The following APPL2 variants were observed in gnomAD, a reference collection of about 807,000 sequenced individuals.
The protein encoded by APPL2 is DCC-interacting protein 13-beta.
A neutral mutation model predicts 92.7 loss-of-function variants in APPL2; 84 were observed. That is an observed-to-expected ratio of 0.91 (90% CI 0.76 to 1.09). APPL2 has a LOEUF of 1.09. Ranked by LOEUF, APPL2 falls within the 50% of genes least tolerant of loss-of-function variation. The pLI is 0.00. For synonymous variants in APPL2, 291 were observed against 291.0 expected (o/e 1.00, Z 0.00); for missense variants, 736 against 824.5 (o/e 0.89, Z 1.31).
intron 14 of APPL2, among the ~76,000 whole-genome samples, chr12:105,190,962 A>C (rs1887143470): frequency 6.6e-6 from 1 of 151,536 alleles, no homozygotes; most frequent in African/African-American, 2.4e-5. Flanking sequence ...CAGACTATAA[A>C]CTCCTTTGAA....
At chr12:105,186,622 T>TATGATATATATG (rs375988140) in intron 17 of APPL2, among the ~76,000 whole-genome samples, 1 of 125,678 alleles carries the variant, frequency 8.0e-6, no homozygotes, top group African/African-American at 3.3e-5. Context: ...ATATCATATA[T>TATGATATATATG]ATATCATATA....
intron 2 of APPL2, among the ~76,000 whole-genome samples, chr12:105,219,210 A>G (rs1889916967): frequency 6.6e-6 from 1 of 152,046 alleles, no homozygotes; most frequent in African/African-American, 2.4e-5. Context: ...TCCCAGTCCT[A>G]TTTGGCAGAA....
chr12:105,216,402 A>G (rs572568986), intron 4 of APPL2, among the ~76,000 whole-genome samples: 2 of 152,308 alleles, frequency 1.3e-5, no homozygotes, highest in South Asian at 4.2e-4. Flanking sequence ...TAGTGGGTTG[A>G]ACTGTGACCC....
chr12:105,182,082 T>G (rs1037840260), intron 17 of APPL2, among the ~76,000 whole-genome samples: 1 of 152,170 alleles, frequency 6.6e-6, no homozygotes, highest in Non-Finnish European at 1.5e-5. Context: ...TGGAGTGCAA[T>G]GGCATGATCT....
At chr12:105,190,790 C>A (rs1887129757) in intron 14 of APPL2, among the ~76,000 whole-genome samples, 1 of 152,218 alleles carries the variant, frequency 6.6e-6, no homozygotes, top group African/African-American at 2.4e-5. Context: ...CTGTGTGCCT[C>A]CTGAGCTTCG....
intron 17 of APPL2, among the ~76,000 whole-genome samples, chr12:105,185,092 C>A (rs547507770): frequency 6.6e-6 from 1 of 152,134 alleles, no homozygotes; most frequent in Non-Finnish European, 1.5e-5. Context: ...TCAGTAATGG[C>A]GGATGCCCCT....
intron 17 of APPL2, among the ~76,000 whole-genome samples, chr12:105,177,833 C>G (rs544182779): frequency 6.6e-6 from 1 of 152,338 alleles, no homozygotes; most frequent in African/African-American, 2.4e-5. Context: ...TGCTGTCACA[C>G]AGGCTGGAGT....
chr12:105,205,238 T>C (rs1479955802), intron 8 of APPL2, among the ~76,000 whole-genome samples: 2 of 152,346 alleles, frequency 1.3e-5, no homozygotes, highest in East Asian at 3.9e-4. Flanking sequence ...TGTCTGGCTA[T>C]TGAAGGAGCT....
chr12:105,197,912 A>C lies in APPL2; in HGVS notation c.905T>G (p.Phe302Cys). 2 of 1,614,148 alleles carry C rather than the reference A, an allele frequency of 1.2e-6. No individual in the cohort carries two copies. The highest frequency in any genetic ancestry group is 1.7e-6 in the Non-Finnish European group (2 of 1,180,016). Residue 302 changes from phenylalanine to cysteine, a missense_variant, in exon 11 of 21, where the codon TTC becomes TGC. Transcript: ENST00000258530. ...CATGAGATTCCCGCCTTGGGTGAAG[A>C]AATAAAGCCTCTCCCAGGTGGTGGT... ...LVTTTWERLY[F>C]FTQGGNLMCQ...
chr12:105,177,342 T>A, intron 17 of APPL2, 80 bp from the exon 18 acceptor site: 1 of 1,423,844 alleles, frequency 7.0e-7, no homozygotes. Context: ...AAGTCCAGAA[T>A]AAATACAAAT....
intron 17 of APPL2, among the ~76,000 whole-genome samples, chr12:105,182,124 C>G (rs551673580): frequency 1.3e-5 from 2 of 152,252 alleles, no homozygotes; most frequent in South Asian, 4.1e-4. Flanking sequence ...TCCCTGGGTT[C>G]AAGTGATTCT....
chr12:105,205,571 C>T (rs1888629914), intron 8 of APPL2, among the ~76,000 whole-genome samples: 1 of 152,184 alleles, frequency 6.6e-6, no homozygotes, highest in South Asian at 2.1e-4. Context: ...CCTTGCAGGA[C>T]ACCCTCTTAT....
chr12:105,205,770 G>A (rs1312742256), intron 8 of APPL2, among the ~76,000 whole-genome samples: 1 of 152,200 alleles, frequency 6.6e-6, no homozygotes, highest in Non-Finnish European at 1.5e-5. Context: ...AATATGGCAA[G>A]GCCATCTGCC....
chr12:105,227,495 A>G (rs192577790), intron 2 of APPL2, among the ~76,000 whole-genome samples: 25 of 152,048 alleles, frequency 1.6e-4, no homozygotes, highest in African/African-American at 5.5e-4. Context: ...ACGCACACAC[A>G]CTCATACGCA....
At position 105,195,287 on chromosome 12, in the gene APPL2, T is replaced by G. The variant is rs553335042; in HGVS notation, c.1215A>C (p.Gly405=). ...TGGGGCATGAGCTTTCTTGTTTTTTTCCAAAACTTGTAATGGGAGTCACTG... is the reference window on the plus strand; with the variant it reads ...TGGGGCATGAGCTTTCTTGTTTTTTGCCAAAACTTGTAATGGGAGTCACTG... ...LQAVTPITSF[G]KKQESSCPSQ... is the part of the protein sequence containing the mutation. Residue 405 remains glycine, a synonymous_variant, in exon 14 of 21, where the codon GGA becomes GGC. Transcript: ENST00000258530. 62 of 1,614,222 alleles carry G rather than the reference T, an allele frequency of 3.8e-5. No homozygotes were observed. In the East Asian group the frequency reaches 6.9e-4, roughly 18 times the overall value.
intron 2 of APPL2, among the ~76,000 whole-genome samples, chr12:105,226,507 A>G (rs1890519677): frequency 1.3e-5 from 2 of 152,252 alleles, no homozygotes; most frequent in Non-Finnish European, 2.9e-5. Context: ...TTCTGCCTCA[A>G]CAGAAAAAAA....
intron 1 of APPL2, among the ~76,000 whole-genome samples, chr12:105,230,971 C>G (rs1164542599): frequency 6.6e-6 from 1 of 152,226 alleles, no homozygotes; most frequent in Admixed American, 6.5e-5. Context: ...TTCAAAAATT[C>G]ATAATCACAG....
At chr12:105,207,863 T>TAA in intron 7 of APPL2, 108 bp downstream of exon 7, 6 of 802,144 alleles carry the variant, frequency 7.5e-6, no homozygotes, top group South Asian at 1.9e-5. Context: ...CATGTATAGT[T>TAA]AAAAAAAAAA....
At chr12:105,176,349 T>G in intron 19 of APPL2, 2 of 540,028 alleles carry the variant, frequency 3.7e-6, no homozygotes. Flanking sequence ...TAATAGGAAT[T>G]TTTCTTCTCT....
Sources: allele counts gnomAD v4.1 joint callset (sites outside exome capture counted in the v4.1 genomes callset), GRCh38; gene constraint gnomAD v4.1.1; transcripts MANE v1.5; gene names NCBI Gene and HGNC (gene_info 2026-07-23, HGNC 2026-07-21).